Variants in HLA-DQB1 observed in about 807,000 individuals in gnomAD.
HLA-DQB1 encodes the protein major histocompatibility complex, class II, DQ beta 1.
HLA-DQB1 carries 13 observed loss-of-function variants against 26.4 expected under a neutral mutation model. The observed-to-expected ratio is 0.49, with a 90% confidence interval of 0.32 to 0.78. The LOEUF (loss-of-function observed/expected upper bound fraction) is 0.78, where lower values mean the gene tolerates loss of function less well. Ranked by LOEUF, HLA-DQB1 falls within the 30% of genes least tolerant of loss-of-function variation. The pLI is 0.03. For synonymous variants in HLA-DQB1, 60 were observed against 129.1 expected (o/e 0.46, Z 3.63); for missense variants, 158 against 326.2 (o/e 0.48, Z 3.97).
intron 3 of HLA-DQB1, chr6:32,661,743 G>C: frequency 2.1e-6 from 1 of 485,344 alleles, no homozygotes; most frequent in South Asian, 3.0e-5. Flanking sequence ...GAGCTATCAG[G>C]ACTGGGATTC....
At chr6:32,663,623 G>T (rs1384363326) in intron 2 of HLA-DQB1, 1 of 99,836 alleles carries the variant, frequency 1.0e-5, no homozygotes, top group Admixed American at 9.1e-5. Context: ...GATATATAAA[G>T]TGGTGATGCT....
rs2151002689 is a variant in HLA-DQB1 at position 32,660,265 on chromosome 6, G to T, written c.773-16C>A. The T allele has an allele frequency of 9.6e-7, 1 of 1,037,482 alleles. No individual in the cohort carries two copies. The highest frequency in any genetic ancestry group is 1.5e-5 in the South Asian group (1 of 65,406). The allele number at this position is 1,037,482 out of a possible 1,614,324, so 64.3% of individuals were successfully genotyped here. On this transcript the variant is annotated splice_polypyrimidine_tract_variant and intron_variant, in intron 4 of 4. Coordinates refer to ENST00000434651, the Ensembl canonical transcript of HLA-DQB1. ...TGCAGAAGCCCTGGAGAAGAGAGAA[G>T]AGCATTGATCAGCACAGGGTATCCT...
chr6:32,665,397 C>T (rs9274437), intron 1 of HLA-DQB1, among the ~76,000 whole-genome samples: 29,760 of 139,000 alleles, frequency 0.21, 5,184 homozygotes, highest in Middle Eastern at 0.24. Flanking sequence ...GCATGAAATC[C>T]CATTTTTCAT....
intron 4 of HLA-DQB1, chr6:32,660,902 AGAG>A: frequency 1.3e-6 from 2 of 1,517,224 alleles, no homozygotes; most frequent in East Asian, 5.3e-5. Flanking sequence ...GAAGTTATGC[AGAG>A]AAAGGTCTCA....
At position 32,666,586 on chromosome 6, in the gene HLA-DQB1, G is replaced by A. The variant is rs1377525007; in HGVS notation, c.22C>T (p.Arg8Trp). ...GCTACCCGAAGGTCTCCGGGGATCC[G>A]CAAAGCCTTCTTCCAAGACATAACT... The change falls in exon 1 of 5, where the codon CGG becomes TGG. Residue 8 changes from arginine (R) to tryptophan (W), a missense_variant. Arg to Trp is a moderately radical substitution (Grantham distance 101). Coordinates refer to ENST00000434651, the Ensembl canonical transcript of HLA-DQB1. 4 of 1,172,300 alleles carry A rather than the reference G, an allele frequency of 3.4e-6. No homozygotes were observed. The African/African-American group carries it at 4.5e-5, about 13-fold the overall frequency. 72.6% of individuals were successfully genotyped at this position (1,172,300 alleles called of 1,614,324 possible).
chr6:32,665,095 A>AGGCCCCAGCCC, intron 1 of HLA-DQB1, 28 bp from the exon 2 acceptor site: 2 of 1,153,530 alleles, frequency 1.7e-6, no homozygotes, highest in Non-Finnish European at 2.4e-6. Context: ...CCGGTCAGTC[A>AGGCCCCAGCCC]GGCCCCAGCC....
At chr6:32,661,067 T>C (rs9273547) in intron 4 of HLA-DQB1, among the ~76,000 whole-genome samples, 65,133 of 124,742 alleles carry the variant, frequency 0.52, 19,170 homozygotes, top group Middle Eastern at 0.71. Context: ...GAAAGGAAGC[T>C]GAGGCTCTGA....
exon 3 of HLA-DQB1, chr6:32,662,127 A>G (rs1049086): frequency 0.53 from 634,765 of 1,201,748 alleles, 228,725 homozygotes; most frequent in Middle Eastern, 0.65. Flanking sequence ...TCTCCTCCTG[A>G]TCATTCCGAA....
At chr6:32,661,249 C>A in intron 4 of HLA-DQB1, 98 bp downstream of exon 4, 1 of 527,964 alleles carries the variant, frequency 1.9e-6, no homozygotes, top group Admixed American at 4.7e-5. Context: ...CACTTCTTCT[C>A]AGGGTCAGGA....
At chr6:32,665,252 G>GGGT (rs771997141) in intron 1 of HLA-DQB1, among the ~76,000 whole-genome samples, 185 bp from the exon 2 acceptor site, 31,946 of 102,948 alleles carry the variant, frequency 0.31, 6,861 homozygotes, top group Middle Eastern at 0.52. Context: ...TTCTTTGCGG[G>GGGT]CTTCTGGAAT....
intron 1 of HLA-DQB1, 43 bp from the exon 2 acceptor site, chr6:32,665,110 C>CCCA (rs41268312): frequency 0.15 from 146,516 of 974,512 alleles, 25,866 homozygotes; most frequent in Middle Eastern, 0.3. Context: ...CCAGCCCGGC[C>CCCA]GCCCCCGCAG....
chr6:32,660,306 TC>T lies in HLA-DQB1; in HGVS notation c.773-58del. 1.0e-5 allele frequency: 9 copies of T among 900,268 alleles called. 1 individual carries two copies. The highest frequency in any genetic ancestry group is 1.5e-5 in the Non-Finnish European group (9 of 617,496). 55.8% of individuals were successfully genotyped at this position (900,268 alleles called of 1,614,324 possible). A position where few individuals can be genotyped will look rare whatever the true frequency, so the allele number is the denominator to read the frequency against. On this transcript the variant is annotated intron_variant, in intron 4 of 4. Transcript: ENST00000434651. The stretch of plus-strand genomic sequence containing the variant: ...AGGGTATCCTGGTGGGCCTGCCATC[TC>T]CCCCACCCTTCAGGGGCCCCCTGCA...
chr6:32,662,663 TAAA>T (rs41268292), intron 2 of HLA-DQB1: 3 of 69,398 alleles, frequency 4.3e-5, no homozygotes, highest in Non-Finnish European at 9.1e-5. Flanking sequence ...CTGCTCATAG[TAAA>T]AAAAATGACA....
At chr6:32,665,470 C>T (rs28746814) in intron 1 of HLA-DQB1, among the ~76,000 whole-genome samples, 30,930 of 109,106 alleles carry the variant, frequency 0.28, 6,675 homozygotes, top group East Asian at 0.35. Context: ...AACGGAATGA[C>T]GAGATAGGTC....
At chr6:32,660,163 G>T in exon 5 of HLA-DQB1, 2 of 696,102 alleles carry the variant, frequency 2.9e-6, no homozygotes, top group Non-Finnish European at 2.3e-6. Context: ...ACAGGCAGCT[G>T]GGAATTCTGG....
exon 4 of HLA-DQB1, chr6:32,661,378 C>A (rs1130431): frequency 0.23 from 291,415 of 1,246,728 alleles, 65,845 homozygotes; most frequent in South Asian, 0.26. Context: ...TGATAAGGCC[C>A]AGCCCAAGGA....
chr6:32,660,783 G>A, intron 4 of HLA-DQB1: 1 of 798,484 alleles, frequency 1.3e-6, no homozygotes, highest in South Asian at 1.5e-5. Flanking sequence ...GGACCACTGT[G>A]GTCAGGTACA....
rs41263820 is a variant in HLA-DQB1 at position 32,664,608 on chromosome 6, C to T, written c.379+190G>A. ...AGGCAGCCTGGCCAACTCTGCTTGT[C>T]CCCCTGCTCTGCCCTAGGTCCCCGC... On this transcript the variant is annotated intron_variant, in intron 2 of 4. Coordinates refer to ENST00000434651, the Ensembl canonical transcript of HLA-DQB1. 115 of 302,146 alleles carry T rather than the reference C, an allele frequency of 3.8e-4. 3 individuals are homozygous for T. The highest frequency in any genetic ancestry group is 2.4e-3 in the East Asian group (27 of 11,210). 18.7% of individuals were successfully genotyped at this position (302,146 alleles called of 1,614,324 possible).
exon 2 of HLA-DQB1, chr6:32,664,945 C>A (rs281862076): frequency 2.9e-6 from 4 of 1,358,012 alleles, no homozygotes; most frequent in Non-Finnish European, 3.1e-6. Context: ...GCGCGGTACA[C>A]CCCCACGTCG....
Sources: allele counts gnomAD v4.1 joint callset (sites outside exome capture counted in the v4.1 genomes callset), GRCh38; gene constraint gnomAD v4.1.1; transcripts MANE v1.5; gene names NCBI Gene and HGNC (gene_info 2026-07-23, HGNC 2026-07-21).